The following CTNNA3 variants were observed in gnomAD, a reference collection of about 807,000 sequenced individuals.
CTNNA3 encodes catenin alpha-3.
CTNNA3 carries 76 observed loss-of-function variants against 95.7 expected under a neutral mutation model. The ratio of observed to expected loss-of-function variants is 0.79; its 90% CI spans 0.66 to 0.96. CTNNA3 has a LOEUF of 0.96. Among genes scored for constraint, CTNNA3 ranks in the 40% least tolerant of loss-of-function variants. The pLI, the probability that CTNNA3 is intolerant of heterozygous loss-of-function variation, is 0.00. For missense variants in CTNNA3, 1,191 were observed against 1,089.8 expected (o/e 1.09, Z -1.31); for synonymous variants, 431 against 374.4 (o/e 1.15, Z -1.74).
At chr10:66,045,659 G>T (rs532236566) in intron 15 of CTNNA3, among the ~76,000 whole-genome samples, 1 of 152,074 alleles carries the variant, frequency 6.6e-6, no homozygotes, top group Non-Finnish European at 1.5e-5. Context: ...TTCCACCCTA[G>T]AGCAGATAAG....
intron 5 of CTNNA3, among the ~76,000 whole-genome samples, chr10:67,305,403 C>G (rs1589147088): frequency 1.5e-5 from 2 of 137,842 alleles, no homozygotes; most frequent in Admixed American, 7.1e-5. Context: ...GAGAGAGAGA[C>G]AATGGGAGGT....
At chr10:67,716,687 T>A (rs1260831278) in intron 1 of CTNNA3, among the ~76,000 whole-genome samples, 1 of 152,174 alleles carries the variant, frequency 6.6e-6, no homozygotes, top group African/African-American at 2.4e-5. Flanking sequence ...TTCCATGGTG[T>A]GTATGTGCCA....
At chr10:66,638,502 A>G (rs949620113) in intron 9 of CTNNA3, among the ~76,000 whole-genome samples, 2 of 152,148 alleles carry the variant, frequency 1.3e-5, no homozygotes, top group Admixed American at 6.6e-5. Flanking sequence ...TTCAATTGAT[A>G]TTAATAGGCT....
At chr10:66,212,733 G>A (rs1287429196) in intron 13 of CTNNA3, among the ~76,000 whole-genome samples, 1 of 152,180 alleles carries the variant, frequency 6.6e-6, no homozygotes, top group African/African-American at 2.4e-5. Flanking sequence ...GGCAAGCATG[G>A]TGGCTCACAC....
intron 17 of CTNNA3, among the ~76,000 whole-genome samples, chr10:65,938,601 A>G (rs191150342): frequency 9.3e-4 from 142 of 152,274 alleles, no homozygotes; most frequent in Non-Finnish European, 1.6e-3. Context: ...CCTGGATCCC[A>G]GCCCTGAATT....
intron 14 of CTNNA3, among the ~76,000 whole-genome samples, chr10:66,093,776 A>C (rs1323627985): frequency 1.3e-5 from 2 of 152,092 alleles, no homozygotes; most frequent in Admixed American, 6.6e-5. Flanking sequence ...AAAAAAGATA[A>C]AGAAATAAAT....
chr10:66,864,058 T>C (rs547879237), intron 7 of CTNNA3, among the ~76,000 whole-genome samples: 1 of 152,254 alleles, frequency 6.6e-6, no homozygotes, highest in East Asian at 1.9e-4. Flanking sequence ...GTTATTCAAG[T>C]ATGTGATTAA....
intron 7 of CTNNA3, among the ~76,000 whole-genome samples, chr10:66,898,525 T>C (rs1303259441): frequency 6.6e-6 from 1 of 152,068 alleles, no homozygotes. Flanking sequence ...TGGAACAGAA[T>C]AGAGCATCCA....
intron 7 of CTNNA3, among the ~76,000 whole-genome samples, chr10:67,010,796 A>G (rs1239079215): frequency 6.6e-6 from 1 of 152,216 alleles, no homozygotes; most frequent in African/African-American, 2.4e-5. Flanking sequence ...ATTTGAGCAT[A>G]TCCATATTTG....
At chr10:67,665,893 C>T (rs371044587) in intron 1 of CTNNA3, among the ~76,000 whole-genome samples, 1 of 152,234 alleles carries the variant, frequency 6.6e-6, no homozygotes, top group East Asian at 1.9e-4. Context: ...ACCCAAAACA[C>T]TGTAAATCCC....
At chr10:66,462,058 C>G (rs1264651221) in intron 11 of CTNNA3, among the ~76,000 whole-genome samples, 1 of 152,022 alleles carries the variant, frequency 6.6e-6, no homozygotes, top group East Asian at 1.9e-4. Context: ...GATCCACCCA[C>G]CTCGTCCCCC....
At chr10:67,235,496 C>A (rs1865411324) in intron 5 of CTNNA3, among the ~76,000 whole-genome samples, 1 of 151,108 alleles carries the variant, frequency 6.6e-6, no homozygotes, top group African/African-American at 2.4e-5. Flanking sequence ...TTCCTTACAC[C>A]TTATACAAAA....
At chr10:67,670,796 GTAGT>G (rs1037386618) in intron 1 of CTNNA3, among the ~76,000 whole-genome samples, 2 of 152,002 alleles carry the variant, frequency 1.3e-5, no homozygotes, top group African/African-American at 4.8e-5. Flanking sequence ...GCTTCTTATG[GTAGT>G]TAATGGGTAC....
chr10:66,327,798 T>A lies in CTNNA3; in HGVS notation c.1733-47177A>T, dbSNP rs181248686. On this transcript the variant is annotated intron_variant, in intron 12 of 17. Coordinates refer to ENST00000433211, the MANE Select transcript of CTNNA3 (RefSeq NM_013266.4). ...TTCTTAAAACTGTATCATGAATAAT[T>A]TGCCATAATTTACATTTTATGTGTC... Among the ~76,000 whole-genome samples, 5 of 152,196 alleles carry A rather than the reference T, an allele frequency of 3.3e-5. No individual in the cohort carries two copies. In the East Asian group the frequency reaches 9.6e-4, roughly 29 times the overall value.
At chr10:67,067,489 A>C (rs2131836914) in intron 7 of CTNNA3, among the ~76,000 whole-genome samples, 1 of 152,306 alleles carries the variant, frequency 6.6e-6, no homozygotes, top group African/African-American at 2.4e-5. Context: ...TTAGTCCACA[A>C]AGTTTGGCAG....
At position 66,486,929 on chromosome 10, in the gene CTNNA3, A is replaced by G. The variant is rs10997172; in HGVS notation, c.1531+33688T>C. Among the ~76,000 whole-genome samples, 586 of 152,224 alleles carry G rather than the reference A, an allele frequency of 3.8e-3. 38 individuals are homozygous for G. The East Asian group carries it at 0.088, about 23-fold the overall frequency. On this transcript the variant is annotated intron_variant, in intron 11 of 17. Coordinates refer to ENST00000433211, the MANE Select transcript of CTNNA3 (RefSeq NM_013266.4). ...CACGGACCCGAAATACATTATGCTA[A>G]GTGACATAAGCTAGGCACAGAAGGG... is the stretch of plus-strand genomic sequence containing the variant.
chr10:67,705,299 A>T (rs1841071214), intron 1 of CTNNA3, among the ~76,000 whole-genome samples: 1 of 152,056 alleles, frequency 6.6e-6, no homozygotes, highest in Non-Finnish European at 1.5e-5. Context: ...AAGGACTATA[A>T]ATCATGCTGC....
At chr10:67,725,158 A>G (rs1002064660) in intron 1 of CTNNA3, among the ~76,000 whole-genome samples, 1 of 151,342 alleles carries the variant, frequency 6.6e-6, no homozygotes, top group African/African-American at 2.4e-5. Flanking sequence ...ACTTATATAT[A>G]GTATTAATTT....
At chr10:67,491,026 C>A (rs1182379786) in intron 5 of CTNNA3, among the ~76,000 whole-genome samples, 2 of 151,610 alleles carry the variant, frequency 1.3e-5, no homozygotes, top group Admixed American at 1.3e-4. Context: ...AAGCAACCTA[C>A]AAGTATTCTA....
Sources: gnomAD v4.1 joint callset for allele counts (sites outside exome capture counted in the v4.1 genomes callset) on GRCh38, gnomAD v4.1.1 for gene constraint, MANE v1.5 for transcripts, NCBI Gene and HGNC (gene_info 2026-07-23, HGNC 2026-07-21) for gene names.